Variants in EYS observed in about 807,000 individuals in gnomAD.
EYS encodes the protein EGF-like photoreceptor maintenance factor.
Under a neutral mutation model 282.1 loss-of-function variants are expected in EYS, and 250 were observed. The ratio of observed to expected loss-of-function variants is 0.89; its 90% confidence interval spans 0.80 to 0.98. EYS has a LOEUF of 0.98. Among genes scored for constraint, EYS ranks in the 50% least tolerant of loss-of-function variants. The pLI, the probability that EYS is intolerant of heterozygous loss-of-function variation, is 0.00. For missense variants in EYS, 4,016 were observed against 3,709.0 expected (o/e 1.08, Z -2.15); for synonymous variants, 1,355 against 1,282.9 (o/e 1.06, Z -1.20).
chr6:63,908,737 C>T lies in EYS; in HGVS notation c.7056-44379G>A, dbSNP rs574784483. Among the ~76,000 whole-genome samples the T allele has an allele frequency of 9.2e-5, 14 of 152,280 alleles. No homozygotes were observed. In the South Asian group the frequency reaches 1.5e-3, roughly 16 times the overall value. On this transcript the variant is annotated intron_variant, in intron 35 of 42. Transcript: ENST00000503581. ...CAGTGCTGGGATTACAGATGTTAGC[C>T]GCTGCACCTAGCTAGAAAAGACATT... is the stretch of plus-strand genomic sequence containing the variant.
At chr6:65,091,536 C>T (rs142419890) in intron 12 of EYS, among the ~76,000 whole-genome samples, 2,409 of 151,846 alleles carry the variant, frequency 0.016, 29 homozygotes, top group South Asian at 0.028. Flanking sequence ...TATTTTGTTA[C>T]GATTAAAAAT....
At chr6:64,801,891 A>G (rs1366136357) in intron 22 of EYS, among the ~76,000 whole-genome samples, 1 of 152,010 alleles carries the variant, frequency 6.6e-6, no homozygotes, top group Non-Finnish European at 1.5e-5. Context: ...AAACAAGTTT[A>G]TCTTTGCCAA....
Position 64,947,196 on chromosome 6 carries a change from A to G in EYS, c.2260-1282T>C, listed in dbSNP as rs530013963. ...CAAACATGATATGACCAATAATTTA[A>G]AGGTTGAAGTTAGTAGCCAAAACAA... On this transcript the variant is annotated intron_variant, in intron 14 of 42. Transcript: ENST00000503581. Among the ~76,000 whole-genome samples, 3 of 151,982 alleles carry G rather than the reference A, an allele frequency of 2.0e-5. No homozygotes were observed. The South Asian group carries it at 6.2e-4, about 32-fold the overall frequency.
intron 36 of EYS, among the ~76,000 whole-genome samples, chr6:63,852,591 T>G (rs1053413727): frequency 2.6e-5 from 4 of 152,100 alleles, no homozygotes; most frequent in African/African-American, 7.2e-5. Context: ...GAAACTATTC[T>G]AAACAATAGA....
At chr6:64,892,300 TTAAA>T (rs2150066437) in intron 18 of EYS, among the ~76,000 whole-genome samples, 1 of 152,032 alleles carries the variant, frequency 6.6e-6, no homozygotes, top group Admixed American at 6.6e-5. Flanking sequence ...AATATAATTA[TTAAA>T]TAGATTGAAT....
intron 22 of EYS, among the ~76,000 whole-genome samples, chr6:64,705,509 G>A (rs1048424121): frequency 5.9e-5 from 9 of 151,914 alleles, no homozygotes; most frequent in Admixed American, 2.6e-4. Context: ...AAAAAAGCAT[G>A]CATAGCCAAA....
chr6:64,474,656 A>C (rs1475198207), intron 26 of EYS, among the ~76,000 whole-genome samples: 1 of 152,208 alleles, frequency 6.6e-6, no homozygotes, highest in Admixed American at 6.5e-5. Flanking sequence ...ATTTTCATGT[A>C]CAGTAGACTG....
At chr6:64,550,997 T>C (rs1427761230) in intron 26 of EYS, among the ~76,000 whole-genome samples, 1 of 152,054 alleles carries the variant, frequency 6.6e-6, no homozygotes, top group African/African-American at 2.4e-5. Context: ...AAACAGAAAT[T>C]CCTCAAGTGC....
chr6:64,831,913 G>T (rs1340651141), intron 19 of EYS, among the ~76,000 whole-genome samples: 3 of 151,930 alleles, frequency 2.0e-5, no homozygotes, highest in South Asian at 2.1e-4. Flanking sequence ...AGTCAAGAAA[G>T]GTATGTGAAA....
chr6:64,286,065 C>A (rs1485321110), intron 30 of EYS, among the ~76,000 whole-genome samples: 1 of 152,136 alleles, frequency 6.6e-6, no homozygotes, highest in Non-Finnish European at 1.5e-5. Flanking sequence ...AAGTATTTAG[C>A]ATAGTGCTGG....
intron 13 of EYS, among the ~76,000 whole-genome samples, chr6:65,019,761 T>C (rs958345720): frequency 6.6e-6 from 1 of 152,168 alleles, no homozygotes; most frequent in Non-Finnish European, 1.5e-5. Context: ...TCCATTCTCA[T>C]GAGGCCAATA....
At chr6:64,190,996 G>A (rs1765086478) in intron 31 of EYS, among the ~76,000 whole-genome samples, 1 of 151,932 alleles carries the variant, frequency 6.6e-6, no homozygotes, top group African/African-American at 2.4e-5. Flanking sequence ...TACATTTACT[G>A]GCCATTAATT....
intron 19 of EYS, among the ~76,000 whole-genome samples, chr6:64,855,945 G>C (rs1766045166): frequency 6.6e-6 from 1 of 152,102 alleles, no homozygotes. Flanking sequence ...TGGTTTGATA[G>C]CTTAATTTTT....
At position 64,821,667 on chromosome 6, in the gene EYS, G is replaced by T; in HGVS notation, c.3221C>A (p.Thr1074Lys). 1 of 1,511,304 alleles carries T rather than the reference G, an allele frequency of 6.6e-7. No homozygotes were observed. The highest frequency in any genetic ancestry group is 9.0e-7 in the Non-Finnish European group (1 of 1,116,286). 93.6% of individuals were successfully genotyped at this position (1,511,304 alleles called of 1,614,324 possible). A position where few individuals can be genotyped will look rare whatever the true frequency, so the allele number is the denominator to read the frequency against. The change falls in exon 21 of 43, where the codon ACA becomes AAA. Residue 1074 changes from threonine (T) to lysine (K), a missense_variant. Thr to Lys is a moderately conservative substitution (Grantham distance 78). Transcript: ENST00000503581. ...TACATTAATTTTGATCTTACATTGT[G>T]TGCTAGTCCCATCTGCATCACATGA... ...PCSCDADGTS[T>K]QCKIKINDCT... is the part of the protein sequence containing the mutation.
intron 35 of EYS, among the ~76,000 whole-genome samples, chr6:63,937,355 T>TC: frequency 3.1e-5 from 1 of 31,900 alleles, no homozygotes; most frequent in Non-Finnish European, 6.3e-5. Context: ...CTTTTTTTTT[T>TC]TTTTTTTTTT....
intron 22 of EYS, among the ~76,000 whole-genome samples, chr6:64,701,333 C>G (rs1433175744): frequency 6.6e-6 from 1 of 152,084 alleles, no homozygotes. Context: ...GCAAATGCAA[C>G]AACAACAAGA....
chr6:64,282,103 A>G (rs2150361982), intron 30 of EYS, among the ~76,000 whole-genome samples: 1 of 152,298 alleles, frequency 6.6e-6, no homozygotes, highest in South Asian at 2.1e-4. Context: ...CTGAAAAGCA[A>G]CAGCAAGCAA....
At chr6:64,129,329 G>C (rs1435408628) in intron 31 of EYS, among the ~76,000 whole-genome samples, 2 of 152,182 alleles carry the variant, frequency 1.3e-5, no homozygotes, top group African/African-American at 2.4e-5. Flanking sequence ...ACTGGTGTGA[G>C]ATGGTGTCTC....
At chr6:65,373,045 T>C (rs566355047) in intron 8 of EYS, among the ~76,000 whole-genome samples, 2 of 152,276 alleles carry the variant, frequency 1.3e-5, no homozygotes, top group African/African-American at 2.4e-5. Flanking sequence ...ATTAAATTTG[T>C]TGGTTTATTT....
Sources: gnomAD v4.1 joint callset for allele counts (sites outside exome capture counted in the v4.1 genomes callset) on GRCh38, gnomAD v4.1.1 for gene constraint, MANE v1.5 for transcripts, NCBI Gene and HGNC (gene_info 2026-07-23, HGNC 2026-07-21) for gene names.